The following IQSEC1 variants were observed in gnomAD, a reference collection of about 807,000 sequenced individuals.
The protein encoded by IQSEC1 is IQ motif and Sec7 domain ArfGEF 1.
IQSEC1 carries 31 observed loss-of-function variants against 91.0 expected under a neutral mutation model. The ratio of observed to expected loss-of-function variants is 0.34; its 90% confidence interval spans 0.26 to 0.46. The LOEUF (loss-of-function observed/expected upper bound fraction) is 0.46. Among genes scored for constraint, IQSEC1 ranks in the 20% least tolerant of loss-of-function variants. The pLI is 1.00. For synonymous variants in IQSEC1, 699 were observed against 662.6 expected, an observed-to-expected ratio of 1.05 and a Z score of -0.84; for missense variants, 1,388 against 1,575.6, an observed-to-expected ratio of 0.88 and a Z score of 2.02.
chr3:13,129,936 G>A (rs887171017), intron 2 of IQSEC1, among the ~76,000 whole-genome samples: 9 of 151,924 alleles, frequency 5.9e-5, no homozygotes, highest in Non-Finnish European at 8.8e-5. Flanking sequence ...GGGATTACAG[G>A]CGTGAGCCAC....
chr3:13,205,741 C>T (rs1179223972), intron 1 of IQSEC1, among the ~76,000 whole-genome samples: 1 of 151,184 alleles, frequency 6.6e-6, no homozygotes, highest in Non-Finnish European at 1.5e-5. Flanking sequence ...CCTTCATCCA[C>T]CCATCCATCT....
intron 2 of IQSEC1, among the ~76,000 whole-genome samples, chr3:13,132,502 C>A (rs190841254): frequency 7.9e-4 from 120 of 152,304 alleles, no homozygotes; most frequent in African/African-American, 2.6e-3. Context: ...TGTATCCTCT[C>A]CCAGGCTTGT....
At chr3:12,912,533 A>G (rs1695657441) in intron 9 of IQSEC1, among the ~76,000 whole-genome samples, 3 of 152,168 alleles carry the variant, frequency 2.0e-5, no homozygotes. Flanking sequence ...AATCAAGAAC[A>G]TGGGCCTGTA....
intron 1 of IQSEC1, among the ~76,000 whole-genome samples, chr3:13,038,406 A>G (rs2125030836): frequency 6.6e-6 from 1 of 151,520 alleles, no homozygotes; most frequent in South Asian, 2.1e-4. Flanking sequence ...GAAAAACAAA[A>G]TATCACATGT....
At chr3:12,930,697 G>A (rs138357976) in intron 3 of IQSEC1, among the ~76,000 whole-genome samples, 6 of 152,310 alleles carry the variant, frequency 3.9e-5, no homozygotes, top group East Asian at 3.9e-4. Context: ...TTTCAGGTCC[G>A]TGAACCAGTA....
In IQSEC1 at chr3:12,899,865, G is replaced by A. The variant is rs1350090551; in HGVS notation, c.*1118C>T. The A allele has an allele frequency of 3.0e-6, 3 of 985,310 alleles. No homozygotes were observed. The highest frequency in any genetic ancestry group is 3.6e-6 in the Non-Finnish European group (3 of 829,906). 61.0% of individuals were successfully genotyped at this position (985,310 alleles called of 1,614,324 possible). A position where few individuals can be genotyped will look rare whatever the true frequency, so the allele number is the denominator to read the frequency against. Reference sequence around the variant, plus strand: ...TATGGTGTTGGGGAGACGAGGATGAGAGCTGGTCACTTTCATGTTGGAGAT... The same window carrying A: ...TATGGTGTTGGGGAGACGAGGATGAAAGCTGGTCACTTTCATGTTGGAGAT... On this transcript the variant is annotated 3_prime_UTR_variant, in exon 14 of 14. Transcript: ENST00000613206.
intron 1 of IQSEC1, among the ~76,000 whole-genome samples, chr3:13,032,353 C>G (rs916482440): frequency 1.3e-5 from 2 of 152,202 alleles, no homozygotes; most frequent in Admixed American, 1.3e-4. Context: ...TCACACACAC[C>G]CCGGCTGGCC....
In IQSEC1 at chr3:12,967,952, G is replaced by T. The variant is rs1426738396; in HGVS notation, c.24-26087C>A. Among the ~76,000 whole-genome samples the T allele has an allele frequency of 6.6e-6, 1 of 152,074 alleles. No individual in the cohort carries two copies. Among genetic ancestry groups the T allele is most frequent in the East Asian group, 1.9e-4 (1 of 5,178 alleles). On this transcript the variant is annotated intron_variant, in intron 1 of 13. Transcript: ENST00000613206. This position sits in a 1 kb window ranked among gnomAD's most constrained non-coding sequence, Gnocchi z 5.9. ...ACGCGCAGGGGCGGGGCCGAGCCGA[G>T]GCGCGGGGTGCAGAGCGCAAGGGCG...
chr3:13,028,866 A>C (rs999150759), intron 1 of IQSEC1, among the ~76,000 whole-genome samples: 3 of 152,224 alleles, frequency 2.0e-5, no homozygotes, highest in South Asian at 4.1e-4. Context: ...GAGGTCACAC[A>C]GTAAGGAAGC....
intron 1 of IQSEC1, among the ~76,000 whole-genome samples, chr3:13,018,707 T>C (rs1703257162): frequency 6.6e-6 from 1 of 151,970 alleles, no homozygotes; most frequent in Non-Finnish European, 1.5e-5. Context: ...AACTACTGTA[T>C]CCCCACACGC....
At chr3:12,980,810 A>G (rs1701413127) in intron 1 of IQSEC1, among the ~76,000 whole-genome samples, 1 of 152,262 alleles carries the variant, frequency 6.6e-6, no homozygotes, top group Middle Eastern at 3.4e-3. Flanking sequence ...CTCACTGTCC[A>G]GCCCTGCCTG....
intron 8 of IQSEC1, 134 bp downstream of exon 8, chr3:12,914,970 C>T (rs1381745175): frequency 2.4e-6 from 2 of 843,778 alleles, no homozygotes; most frequent in Non-Finnish European, 3.8e-6. Flanking sequence ...ACATCTGATT[C>T]TCAGCACCCC....
chr3:12,929,806 G>GC (rs1414736903), intron 3 of IQSEC1, among the ~76,000 whole-genome samples: 6 of 152,142 alleles, frequency 3.9e-5, no homozygotes, highest in African/African-American at 1.4e-4. Flanking sequence ...CGGCCCTGCT[G>GC]CCCCCTAAAA....
chr3:13,031,378 G>A (rs888868214), intron 1 of IQSEC1, among the ~76,000 whole-genome samples: 2 of 152,250 alleles, frequency 1.3e-5, no homozygotes, highest in South Asian at 4.1e-4. Context: ...CTCAGCTGGG[G>A]GACTCGGCCT....
chr3:12,902,446 C>A (rs950441637), intron 13 of IQSEC1, among the ~76,000 whole-genome samples: 2 of 151,838 alleles, frequency 1.3e-5, no homozygotes, highest in African/African-American at 4.8e-5. Context: ...CAACCATGCT[C>A]AGGGACCACA....
rs777535766 is a variant in IQSEC1, at chr3:12,908,350, G to A, written c.2754C>T (p.Ala918=). 1.3e-5 allele frequency: 21 copies of A among 1,611,394 alleles called. No homozygotes were observed. The East Asian group carries it at 1.8e-4, about 14-fold the overall frequency. The change falls in exon 12 of 14, where the codon GCC becomes GCT. Residue 918 remains alanine, a splice_region_variant and synonymous_variant. Coordinates refer to ENST00000613206, the MANE Select transcript of IQSEC1 (RefSeq NM_001134382.3). This position sits in a 1 kb window ranked among gnomAD's most constrained non-coding sequence, Gnocchi z 4.9. ...LSSSLRDLSE[A]GKRGRRSSAG... is the part of the protein sequence containing the mutation. ...GGTGGTTCTAGGCCAAGCTCTTACC[G>A]GCTTCCGAGAGGTCCCGCAGGGAGC...
rs1215271370 is a variant in IQSEC1 at position 12,979,180 on chromosome 3, T to C, written c.24-37315A>G. Among the ~76,000 whole-genome samples, 1 of 152,214 alleles carries C rather than the reference T, an allele frequency of 6.6e-6. No individual in the cohort carries two copies. ...TTCATTCTATCAAGAAAACTTTATA[T>C]CTGCTCCACAAGTGAAAAGCCAGCC... On this transcript the variant is annotated intron_variant, in intron 1 of 13. Coordinates refer to ENST00000613206, the MANE Select transcript of IQSEC1 (RefSeq NM_001134382.3). The surrounding 1 kb of genome is among the most constrained non-coding windows in gnomAD (Gnocchi z 4.3).
Position 13,128,619 on chromosome 3 carries a change from A to C in IQSEC1, c.302+35485T>G, listed in dbSNP as rs1196911415. Among the ~76,000 whole-genome samples, 3 of 152,130 alleles carry C rather than the reference A, an allele frequency of 2.0e-5. No homozygotes were observed. The East Asian group carries it at 5.8e-4, about 29-fold the overall frequency. On this transcript the variant is annotated intron_variant, in intron 2 of 15. Transcript: ENST00000648114. ...AGTGGCTCACGCCTGTAATCCCAGC[A>C]CTTTGGGAGGCCGAGGCGGGCGGAT...
intron 1 of IQSEC1, chr3:13,022,503 C>G: frequency 1.0e-6 from 1 of 985,654 alleles, no homozygotes. Context: ...GGGGCGTCCG[C>G]CGGTGAGGAA....
Sources: gnomAD v4.1 joint callset for allele counts (sites outside exome capture counted in the v4.1 genomes callset) on GRCh38, gnomAD v4.1.1 for gene constraint, Gnocchi (gnomAD v3.1) non-coding constraint, MANE v1.5 for transcripts, NCBI Gene and HGNC (gene_info 2026-07-23, HGNC 2026-07-21) for gene names.